PCSK5: variants seen among roughly 807,000 people sequenced by gnomAD.
The protein encoded by PCSK5 is proprotein convertase subtilisin/kexin type 5, also known as prohormone convertase 5.
Under a neutral mutation model 233.2 loss-of-function variants are expected in PCSK5, and 129 were observed. The ratio of observed to expected loss-of-function variants is 0.55; its 90% confidence interval spans 0.48 to 0.64. PCSK5 has a LOEUF of 0.64. Among genes scored for constraint, PCSK5 ranks in the 30% least tolerant of loss-of-function variants. The pLI, the probability that PCSK5 is intolerant of heterozygous loss-of-function variation, is 0.00. For synonymous variants in PCSK5, 825 were observed against 879.2 expected (o/e 0.94, Z 1.09); for missense variants, 2,076 against 2,430.1 (o/e 0.85, Z 3.06).
At chr9:76,220,391 G>A (rs944818675) in intron 20 of PCSK5, among the ~76,000 whole-genome samples, 2 of 152,118 alleles carry the variant, frequency 1.3e-5, no homozygotes, top group East Asian at 3.9e-4. Context: ...GCTGGGCGTG[G>A]TGGTGGGCGC....
rs1346215158 is a variant in PCSK5, at chr9:76,362,204, C to G, written c.*3282C>G. The G allele has an allele frequency of 6.6e-6, 1 of 152,126 alleles. No homozygotes were observed. Among genetic ancestry groups the G allele is most frequent in the Non-Finnish European group, 1.5e-5 (1 of 68,026 alleles). 9.4% of individuals were successfully genotyped at this position (152,126 alleles called of 1,614,324 possible). On this transcript the variant is annotated 3_prime_UTR_variant, in exon 38 of 38. Coordinates refer to ENST00000674117, the MANE Select transcript of PCSK5 (RefSeq NM_001372043.1). Reference sequence around the variant, plus strand: ...AATATGTGATTGGAAAACAAAGTCACCTTTTAGTTTTCTACTTGGAAATAT... The same window carrying G: ...AATATGTGATTGGAAAACAAAGTCAGCTTTTAGTTTTCTACTTGGAAATAT...
intron 5 of PCSK5, among the ~76,000 whole-genome samples, chr9:76,058,170 G>A (rs1253093369): frequency 6.6e-6 from 1 of 152,110 alleles, no homozygotes; most frequent in Non-Finnish European, 1.5e-5. Flanking sequence ...TTTAGTGCAT[G>A]GTTGAGTTGG....
intron 15 of PCSK5, among the ~76,000 whole-genome samples, chr9:76,181,053 G>T (rs941822795): frequency 6.6e-6 from 1 of 152,158 alleles, no homozygotes; most frequent in Non-Finnish European, 1.5e-5. Context: ...CCTTTTTAAA[G>T]GGACCTTTTT....
intron 5 of PCSK5, among the ~76,000 whole-genome samples, chr9:76,046,143 A>G (rs1829361483): frequency 7.0e-6 from 1 of 143,560 alleles, no homozygotes. Flanking sequence ...TAGCATTAAC[A>G]CATAATTTTT....
intron 1 of PCSK5, among the ~76,000 whole-genome samples, chr9:75,920,367 C>T (rs1163349322): frequency 6.6e-6 from 1 of 152,130 alleles, no homozygotes; most frequent in African/African-American, 2.4e-5. Flanking sequence ...GAGCTCAATG[C>T]AGCCTCAAAC....
intron 5 of PCSK5, among the ~76,000 whole-genome samples, chr9:76,051,708 G>A (rs1266273458): frequency 6.6e-6 from 1 of 152,122 alleles, no homozygotes; most frequent in Non-Finnish European, 1.5e-5. Context: ...CCCAGCACCT[G>A]AGAACAGACC....
At chr9:76,342,693 C>T (rs76906734) in intron 35 of PCSK5, among the ~76,000 whole-genome samples, 2,611 of 152,210 alleles carry the variant, frequency 0.017, 33 homozygotes, top group Non-Finnish European at 0.022. Context: ...TCCTGAGCTC[C>T]GGTTCCATAC....
intron 10 of PCSK5, among the ~76,000 whole-genome samples, chr9:76,154,616 A>C (rs1424067872): frequency 6.6e-6 from 1 of 152,164 alleles, no homozygotes; most frequent in Non-Finnish European, 1.5e-5. Context: ...CCTAAACTGA[A>C]ATAAAATGAT....
intron 14 of PCSK5, among the ~76,000 whole-genome samples, chr9:76,177,945 T>G (rs1823688059): frequency 8.4e-6 from 1 of 119,100 alleles, no homozygotes; most frequent in South Asian, 2.6e-4. Flanking sequence ...GAATAAATGT[T>G]TGGGATTTTT....
At chr9:76,040,379 CT>C (rs1829059367) in intron 5 of PCSK5, among the ~76,000 whole-genome samples, 2 of 51,092 alleles carry the variant, frequency 3.9e-5, no homozygotes, top group African/African-American at 1.2e-4. Context: ...CTCTCTCTCT[CT>C]CTCTGTCTCT....
intron 24 of PCSK5, among the ~76,000 whole-genome samples, chr9:76,249,175 G>A (rs1430767626): frequency 6.6e-6 from 1 of 152,216 alleles, no homozygotes; most frequent in Non-Finnish European, 1.5e-5. Context: ...GTCGTGACTG[G>A]AAGGTTGTTA....
intron 2 of PCSK5, among the ~76,000 whole-genome samples, chr9:75,971,510 C>T (rs1825814468): frequency 6.6e-6 from 1 of 152,182 alleles, no homozygotes; most frequent in Non-Finnish European, 1.5e-5. Context: ...AATTGCTACA[C>T]TGTCTTCCAC....
chr9:75,929,712 AAG>A (rs1823688703), intron 1 of PCSK5, among the ~76,000 whole-genome samples: 1 of 152,138 alleles, frequency 6.6e-6, no homozygotes, highest in Non-Finnish European at 1.5e-5. Context: ...TTACAAAGGA[AAG>A]AGGTTTAATG....
intron 28 of PCSK5, among the ~76,000 whole-genome samples, chr9:76,303,406 T>G (rs1012700810): frequency 1.3e-5 from 2 of 152,146 alleles, no homozygotes; most frequent in African/African-American, 2.4e-5. Context: ...GAGATACATG[T>G]AATTATAAAT....
chr9:76,214,695 A>G (rs746383451), intron 20 of PCSK5, among the ~76,000 whole-genome samples: 74 of 152,238 alleles, frequency 4.9e-4, no homozygotes, highest in Non-Finnish European at 9.8e-4. Context: ...AATTCCTAGC[A>G]TATGGTAATC....
In PCSK5 at chr9:76,193,223, G is replaced by C. The variant is rs1217346747; in HGVS notation, c.2626+3477G>C. The stretch of plus-strand genomic sequence containing the variant: ...TCTTCAACTCCCCTTCTCTCTTGCT[G>C]ACTTCTGGAAAAGCAACGGAAGAGT... On this transcript the variant is annotated intron_variant, in intron 20 of 37. Coordinates refer to ENST00000674117, the MANE Select transcript of PCSK5 (RefSeq NM_001372043.1). 3 of 1,611,414 alleles carry C rather than the reference G, an allele frequency of 1.9e-6. No homozygotes were observed. The East Asian group carries it at 6.7e-5, about 36-fold the overall frequency.
rs185717789 is a variant in PCSK5 at position 75,983,789 on chromosome 9, A to G, written c.298-2343A>G. 5.3e-3 allele frequency among the ~76,000 whole-genome samples: 806 copies of G among 152,312 alleles called. 6 individuals carry two copies. The highest frequency in any genetic ancestry group is 0.019 in the African/African-American group (770 of 41,570). On this transcript the variant is annotated intron_variant, in intron 2 of 37. Coordinates refer to ENST00000674117, the MANE Select transcript of PCSK5 (RefSeq NM_001372043.1). ...CTTGGCAAGAAATAAAATCTGTATAATGCATAACCTCTGGCTTTTTCCTTA... is the reference window on the plus strand; with the variant it reads ...CTTGGCAAGAAATAAAATCTGTATAGTGCATAACCTCTGGCTTTTTCCTTA...
intron 10 of PCSK5, among the ~76,000 whole-genome samples, chr9:76,141,214 A>T (rs1156471544): frequency 6.6e-6 from 1 of 152,132 alleles, no homozygotes; most frequent in Non-Finnish European, 1.5e-5. Context: ...CCAAAATAAG[A>T]TGCCCAAAAA....
intron 20 of PCSK5, among the ~76,000 whole-genome samples, chr9:76,220,467 CA>C (rs1825691827): frequency 6.9e-6 from 1 of 144,732 alleles, no homozygotes; most frequent in African/African-American, 2.6e-5. Flanking sequence ...GCAGAGGTTG[CA>C]GTGAGCTGAA....
Sources: allele counts gnomAD v4.1 joint callset (sites outside exome capture counted in the v4.1 genomes callset), GRCh38; gene constraint gnomAD v4.1.1; transcripts MANE v1.5; gene names NCBI Gene and HGNC (gene_info 2026-07-23, HGNC 2026-07-21).